Variants in CHST8 observed in about 807,000 individuals in gnomAD.
CHST8 encodes carbohydrate sulfotransferase 8, also known as GALNAC-4-ST1.
In CHST8, 10 loss-of-function variants were observed where a neutral mutation model predicts 15.0. That is an observed-to-expected ratio of 0.67 (90% confidence interval 0.41 to 1.13). The LOEUF is 1.13. CHST8 is among the 50% of genes most tolerant of loss of function. The pLI, the probability that CHST8 is intolerant of heterozygous loss-of-function variation, is 0.00. For missense variants in CHST8, 634 were observed against 608.2 expected, an observed-to-expected ratio of 1.04 and a Z score of -0.45; for synonymous variants, 259 against 256.6, an observed-to-expected ratio of 1.01 and a Z score of -0.09.
chr19:33,724,749 C>T (rs1973862347), intron 3 of CHST8, among the ~76,000 whole-genome samples: 1 of 152,174 alleles, frequency 6.6e-6, no homozygotes, highest in Admixed American at 6.5e-5. Flanking sequence ...GAGACCTGGC[C>T]CTGGAGCTCC....
In CHST8 at chr19:33,724,203, C is replaced by T. The variant is rs576425617; in HGVS notation, c.130+34812C>T. ...AGATGAGCCTAGCCTCCTGACCAGG[C>T]TCCACCGGTTACCCCACACCCAGGC... On this transcript the variant is annotated intron_variant, in intron 3 of 4. Transcript: ENST00000650847. Among the ~76,000 whole-genome samples the T allele has an allele frequency of 2.0e-5, 3 of 152,296 alleles. No individual in the cohort carries two copies. The South Asian group carries it at 6.2e-4, about 32-fold the overall frequency.
intron 1 of CHST8, among the ~76,000 whole-genome samples, chr19:33,626,765 T>A (rs983836870): frequency 6.7e-6 from 1 of 149,514 alleles, no homozygotes; most frequent in Admixed American, 6.7e-5. Flanking sequence ...GTGAGCCAAA[T>A]AAGCCGCTTT....
chr19:33,771,839 C>T, intron 4 of CHST8, 118 bp from the exon 5 acceptor site: 6 of 1,240,016 alleles, frequency 4.8e-6, no homozygotes, highest in South Asian at 3.0e-5. Flanking sequence ...ACAGAGTCAG[C>T]CTGTCTCCCT....
At chr19:33,763,209 A>G (rs1344680179) in intron 3 of CHST8, among the ~76,000 whole-genome samples, 2 of 152,088 alleles carry the variant, frequency 1.3e-5, no homozygotes, top group Non-Finnish European at 2.9e-5. Flanking sequence ...ACAACTCCAC[A>G]TGGACCCTCC....
At chr19:33,738,206 C>T (rs894886174) in intron 3 of CHST8, among the ~76,000 whole-genome samples, 10 of 152,170 alleles carry the variant, frequency 6.6e-5, no homozygotes, top group African/African-American at 1.7e-4. Flanking sequence ...AGGACAGGGT[C>T]GTGGACTGGC....
chr19:33,700,922 T>C (rs284334), intron 3 of CHST8, among the ~76,000 whole-genome samples: 30,363 of 152,042 alleles, frequency 0.2, 4,000 homozygotes, highest in African/African-American at 0.38. Flanking sequence ...GGACATGGAG[T>C]GCTCCTTGCG....
intron 2 of CHST8, among the ~76,000 whole-genome samples, chr19:33,682,184 GTTGTTTTTT>G (rs1568325320): frequency 1.6e-4 from 20 of 121,916 alleles, no homozygotes; most frequent in Middle Eastern, 4.7e-3. Flanking sequence ...GGTTTTTGTT[GTTGTTTTTT>G]TTTTTTTTTT....
chr19:33,748,927 C>T (rs987694331), intron 3 of CHST8, among the ~76,000 whole-genome samples: 1 of 152,078 alleles, frequency 6.6e-6, no homozygotes, highest in African/African-American at 2.4e-5. Context: ...AAGGCTCACT[C>T]GGAGGAGAGC....
intron 3 of CHST8, among the ~76,000 whole-genome samples, chr19:33,756,292 C>T (rs1974545982): frequency 6.6e-6 from 1 of 152,144 alleles, no homozygotes; most frequent in African/African-American, 2.4e-5. Flanking sequence ...TAGGCGGTGA[C>T]GTGGGCCTGT....
At chr19:33,715,682 C>T (rs150582050) in intron 3 of CHST8, among the ~76,000 whole-genome samples, 1 of 152,220 alleles carries the variant, frequency 6.6e-6, no homozygotes, top group African/African-American at 2.4e-5. Context: ...GCTGGGCTAG[C>T]TGGCCTTGGG....
At position 33,629,057 on chromosome 19, in the gene CHST8, C is replaced by G. The variant is rs768147038; in HGVS notation, c.-164+6761C>G. On this transcript the variant is annotated intron_variant, in intron 1 of 4. Coordinates refer to ENST00000650847, the MANE Select transcript of CHST8 (RefSeq NM_001127895.2). ...TCAGCCCTAGCACGTCCAGGGCACT[C>G]GGCAAGTGACAGCCCAGTGCCCATA... Among the ~76,000 whole-genome samples the G allele has an allele frequency of 3.3e-5, 5 of 152,280 alleles. No individual in the cohort carries two copies. In the South Asian group the frequency reaches 1.0e-3, roughly 32 times the overall value.
intron 3 of CHST8, among the ~76,000 whole-genome samples, chr19:33,752,613 G>A (rs558874119): frequency 2.0e-5 from 3 of 152,228 alleles, no homozygotes; most frequent in Admixed American, 6.5e-5. Flanking sequence ...CCTTCCCGCC[G>A]CCCCACGTTA....
At chr19:33,653,203 C>T (rs1972471518) in intron 1 of CHST8, among the ~76,000 whole-genome samples, 1 of 152,156 alleles carries the variant, frequency 6.6e-6, no homozygotes, top group African/African-American at 2.4e-5. Context: ...CTCTCTTGGA[C>T]ATTGTTCATT....
chr19:33,638,298 G>A (rs1326662046), intron 1 of CHST8, among the ~76,000 whole-genome samples: 1 of 152,156 alleles, frequency 6.6e-6, no homozygotes, highest in Non-Finnish European at 1.5e-5. Flanking sequence ...CTCCTCCCAT[G>A]GCAGTGTTAA....
chr19:33,687,064 C>A (rs1434778636), intron 2 of CHST8, among the ~76,000 whole-genome samples: 2 of 152,180 alleles, frequency 1.3e-5, no homozygotes, highest in Non-Finnish European at 2.9e-5. Flanking sequence ...GCCTGGGGCT[C>A]CCCCGAGTGA....
chr19:33,639,351 G>T (rs1053437888), intron 1 of CHST8, among the ~76,000 whole-genome samples: 1 of 152,138 alleles, frequency 6.6e-6, no homozygotes, highest in Non-Finnish European at 1.5e-5. Context: ...GAAGTGCTAG[G>T]GTGCTGTCTG....
intron 1 of CHST8, among the ~76,000 whole-genome samples, chr19:33,659,458 G>A (rs1972556840): frequency 6.6e-6 from 1 of 152,124 alleles, no homozygotes; most frequent in Non-Finnish European, 1.5e-5. Context: ...TGTTTGCTGA[G>A]CACAAAAATG....
intron 3 of CHST8, among the ~76,000 whole-genome samples, chr19:33,712,386 G>A (rs892031402): frequency 6.6e-6 from 1 of 152,186 alleles, no homozygotes; most frequent in Non-Finnish European, 1.5e-5. Context: ...ACAAGCGGGG[G>A]CTGTGGGAGG....
chr19:33,639,284 A>T (rs1383101667), intron 1 of CHST8, among the ~76,000 whole-genome samples: 1 of 152,050 alleles, frequency 6.6e-6, no homozygotes, highest in Non-Finnish European at 1.5e-5. Context: ...TCTAATGCAA[A>T]CACTGCAGAC....
Sources: gnomAD v4.1 joint callset for allele counts (sites outside exome capture counted in the v4.1 genomes callset) on GRCh38, gnomAD v4.1.1 for gene constraint, MANE v1.5 for transcripts, NCBI Gene and HGNC (gene_info 2026-07-23, HGNC 2026-07-21) for gene names.